DLC1: variants seen among roughly 807,000 people sequenced by gnomAD.
DLC1 encodes DLC1 Rho GTPase activating protein, also known as rho GTPase-activating protein 7.
A neutral mutation model predicts 140.3 loss-of-function variants in DLC1; 54 were observed. The ratio of observed to expected loss-of-function variants is 0.38; its 90% CI spans 0.31 to 0.48. DLC1 has a LOEUF of 0.48. Among genes scored for constraint, DLC1 ranks in the 20% least tolerant of loss-of-function variants. The pLI is 0.96. For missense variants in DLC1, 2,536 were observed against 1,907.0 expected (o/e 1.33, Z -6.14); for synonymous variants, 986 against 728.1 (o/e 1.35, Z -5.70).
At chr8:13,134,904 A>G (rs1822435638) in intron 5 of DLC1, among the ~76,000 whole-genome samples, 1 of 152,212 alleles carries the variant, frequency 6.6e-6, no homozygotes, top group Non-Finnish European at 1.5e-5. Context: ...AGATGTTTCC[A>G]GGCTTTTTAC....
Position 13,499,700 on chromosome 8 carries a change from A to G in DLC1, c.372T>C (p.Asp124=), listed in dbSNP as rs779370665. ...DNNADLCLTD[D]KQVLNTQGQK... is the part of the protein sequence containing the mutation. ...GCCCTTGGGTATTTAAAACCTGTTTATCATCTGTAAGGCATAAATCAGCAT... is the reference window on the plus strand; with the variant it reads ...GCCCTTGGGTATTTAAAACCTGTTTGTCATCTGTAAGGCATAAATCAGCAT... Residue 124 remains aspartate (D), a synonymous_variant, in exon 2 of 18, where the codon GAT becomes GAC. Coordinates refer to ENST00000276297, the MANE Select transcript of DLC1 (RefSeq NM_182643.3). 5 of 1,614,172 alleles carry G rather than the reference A, an allele frequency of 3.1e-6. No homozygotes were observed. The highest frequency in any genetic ancestry group is 2.2e-5 in the East Asian group (1 of 44,876).
At chr8:13,330,969 G>GA (rs982910058) in intron 4 of DLC1, among the ~76,000 whole-genome samples, 2 of 151,880 alleles carry the variant, frequency 1.3e-5, no homozygotes, top group Non-Finnish European at 2.9e-5. Flanking sequence ...ACATGAAGAG[G>GA]AAAAAAAATA....
chr8:13,461,709 G>A (rs1361925388), intron 2 of DLC1, among the ~76,000 whole-genome samples: 3 of 152,124 alleles, frequency 2.0e-5, no homozygotes, highest in African/African-American at 7.2e-5. Flanking sequence ...CATTCCCTCT[G>A]TCTTTTCTAC....
intron 3 of DLC1, among the ~76,000 whole-genome samples, chr8:13,399,547 T>C (rs1905024): frequency 0.47 from 71,110 of 151,956 alleles, 16,946 homozygotes; most frequent in African/African-American, 0.5. Flanking sequence ...TGATCCCCTA[T>C]CCCCATTCAT....
intron 1 of DLC1, among the ~76,000 whole-genome samples, chr8:13,593,666 T>C (rs956748976): frequency 6.6e-6 from 1 of 152,098 alleles, no homozygotes; most frequent in Non-Finnish European, 1.5e-5. Context: ...GCCCGATTCA[T>C]ACAGAATTGG....
At chr8:13,184,529 T>C (rs557269199) in intron 5 of DLC1, among the ~76,000 whole-genome samples, 1 of 152,342 alleles carries the variant, frequency 6.6e-6, no homozygotes, top group South Asian at 2.1e-4. Flanking sequence ...AAAGAACATC[T>C]TTATTTCTGC....
At chr8:13,139,894 C>A (rs11784553) in intron 5 of DLC1, among the ~76,000 whole-genome samples, 145,389 of 152,362 alleles carry the variant, frequency 0.95, 69,513 homozygotes, top group Non-Finnish European at 0.99. Flanking sequence ...ATGGCATGGT[C>A]AAATATACAT....
chr8:13,399,440 C>G (rs1410921561), intron 3 of DLC1, among the ~76,000 whole-genome samples: 1 of 152,196 alleles, frequency 6.6e-6, no homozygotes. Flanking sequence ...CTCATCCTCT[C>G]TCTCTGAAGC....
intron 6 of DLC1, among the ~76,000 whole-genome samples, chr8:13,115,203 A>G (rs922197540): frequency 2.1e-4 from 32 of 152,236 alleles, no homozygotes; most frequent in African/African-American, 7.2e-4. Flanking sequence ...TAACAATACA[A>G]TATTAAGTGA....
chr8:13,273,205 T>C (rs1831017121), intron 5 of DLC1, among the ~76,000 whole-genome samples: 1 of 152,196 alleles, frequency 6.6e-6, no homozygotes, highest in Non-Finnish European at 1.5e-5. Flanking sequence ...TGATGTGCTC[T>C]GCTGACCAGA....
At chr8:13,234,556 G>A (rs1303864397) in intron 5 of DLC1, among the ~76,000 whole-genome samples, 1 of 152,264 alleles carries the variant, frequency 6.6e-6, no homozygotes, top group East Asian at 1.9e-4. Flanking sequence ...AATGAAGAAA[G>A]CTACTTCTTA....
intron 5 of DLC1, among the ~76,000 whole-genome samples, chr8:13,147,988 A>G (rs1013997552): frequency 6.6e-6 from 1 of 152,180 alleles, no homozygotes; most frequent in African/African-American, 2.4e-5. Context: ...CTCCATCTCA[A>G]AAAAAGAAGA....
intron 5 of DLC1, among the ~76,000 whole-genome samples, chr8:13,272,063 C>T (rs1320336522): frequency 6.6e-6 from 1 of 152,204 alleles, no homozygotes; most frequent in African/African-American, 2.4e-5. Context: ...ATGTCATGTT[C>T]TCCAAATTGA....
chr8:13,094,398 G>A lies in DLC1; in HGVS notation c.3526+361C>T, dbSNP rs955823431. ...AACGCTATCAAGGCCAGGCGTGGTG[G>A]CTCACACCTGTAATCCTAGCACTCT... On this transcript the variant is annotated intron_variant, in intron 12 of 17. Coordinates refer to ENST00000276297, the MANE Select transcript of DLC1 (RefSeq NM_182643.3). Among the ~76,000 whole-genome samples the A allele has an allele frequency of 6.0e-4, 91 of 152,290 alleles. 1 individual carries two copies. Among genetic ancestry groups the A allele is most frequent in the African/African-American group, 2.1e-3 (88 of 41,568 alleles).
chr8:13,463,925 G>T (rs1301961206), intron 2 of DLC1, among the ~76,000 whole-genome samples: 1 of 152,142 alleles, frequency 6.6e-6, no homozygotes, highest in Non-Finnish European at 1.5e-5. Flanking sequence ...CTTGTCTGTA[G>T]CCCCAGGGAT....
chr8:13,169,387 G>C (rs1825309493), intron 5 of DLC1, among the ~76,000 whole-genome samples: 3 of 152,140 alleles, frequency 2.0e-5, no homozygotes, highest in African/African-American at 7.2e-5. Context: ...GAATGTTTTT[G>C]TAAAATGGGG....
At chr8:13,511,323 C>T (rs1244865524) in intron 1 of DLC1, among the ~76,000 whole-genome samples, 1 of 150,068 alleles carries the variant, frequency 6.7e-6, no homozygotes, top group Non-Finnish European at 1.5e-5. Flanking sequence ...TATCTTTCAC[C>T]TTTTTTTTTG....
intron 5 of DLC1, among the ~76,000 whole-genome samples, chr8:13,267,771 T>TGC (rs1466542964): frequency 2.2e-5 from 3 of 139,492 alleles, no homozygotes; most frequent in East Asian, 4.6e-4. Flanking sequence ...TGTGTGTGTG[T>TGC]GCAATTGCCT....
At chr8:13,586,035 C>T (rs1483524129) in intron 1 of DLC1, among the ~76,000 whole-genome samples, 2 of 152,126 alleles carry the variant, frequency 1.3e-5, no homozygotes, top group Non-Finnish European at 2.9e-5. Flanking sequence ...GGGAATGATT[C>T]TCAACCATGG....
Sources: gnomAD v4.1 joint callset for allele counts (sites outside exome capture counted in the v4.1 genomes callset) on GRCh38, gnomAD v4.1.1 for gene constraint, MANE v1.5 for transcripts, NCBI Gene and HGNC (gene_info 2026-07-23, HGNC 2026-07-21) for gene names.